The following SLC15A2 variants were observed in gnomAD, a reference collection of about 807,000 sequenced individuals.
SLC15A2 encodes solute carrier family 15 member 2.
In SLC15A2, 77 loss-of-function variants were observed where a neutral mutation model predicts 95.5. The observed-to-expected ratio is 0.81, with a 90% CI of 0.67 to 0.97. SLC15A2 has a LOEUF of 0.97. Ranked by LOEUF, SLC15A2 falls within the 50% of genes least tolerant of loss-of-function variation. The pLI, the probability that SLC15A2 is intolerant of heterozygous loss-of-function variation, is 0.00. For synonymous variants in SLC15A2, 306 were observed against 306.9 expected (o/e 1.00, Z 0.03); for missense variants, 893 against 874.4 (o/e 1.02, Z -0.27).
intron 19 of SLC15A2, among the ~76,000 whole-genome samples, chr3:121,934,423 T>A (rs1226065511): frequency 6.6e-6 from 1 of 152,072 alleles, no homozygotes; most frequent in African/African-American, 2.4e-5. Context: ...TTTGTTTGTA[T>A]CCTCTTTTAT....
intron 20 of SLC15A2, 104 bp from the exon 21 acceptor site, chr3:121,940,280 A>G (rs1328344156): frequency 4.0e-6 from 3 of 741,222 alleles, no homozygotes; most frequent in Non-Finnish European, 7.1e-6. Context: ...ACTTAATAAG[A>G]GAAGTTCTAA....
At chr3:121,906,397 C>T (rs1334258379) in intron 3 of SLC15A2, among the ~76,000 whole-genome samples, 1 of 152,198 alleles carries the variant, frequency 6.6e-6, no homozygotes, top group Non-Finnish European at 1.5e-5. Context: ...TTGATCCAAT[C>T]ATTATGATGT....
At chr3:121,903,565 A>C (rs1409316208) in intron 3 of SLC15A2, among the ~76,000 whole-genome samples, 4 of 152,212 alleles carry the variant, frequency 2.6e-5, no homozygotes, top group Admixed American at 6.5e-5. Context: ...AGCTTTCTAC[A>C]TATGGCTAGC....
chr3:121,929,346 G>A lies in SLC15A2; in HGVS notation c.1551G>A (p.Val517=), dbSNP rs1172145405. The A allele has an allele frequency of 6.2e-7, 1 of 1,613,888 alleles. No individual in the cohort carries two copies. Among genetic ancestry groups the A allele is most frequent in the Admixed American group, 1.7e-5 (1 of 60,024 alleles). ...ESRTTNGMTT[V]RFVNTLHKDV... ...GAACAACCAATGGGATGACAACCGT[G>A]AGGTTTGAATGTCAATGAGATTCCA... Residue 517 remains valine (V), a splice_region_variant and synonymous_variant, in exon 17 of 22, where the codon GTG becomes GTA. Coordinates refer to ENST00000489711, the MANE Select transcript of SLC15A2 (RefSeq NM_021082.4).
In SLC15A2 at chr3:121,897,540, T is replaced by C. The variant is rs766168011; in HGVS notation, c.335+11T>C. ...GTTGGGAAAATTCAAGTAAGGAAGA[T>C]GGGAGGTCACATCCCTACAAGTTTC... On this transcript the variant is annotated intron_variant, in intron 3 of 21. Coordinates refer to ENST00000489711, the MANE Select transcript of SLC15A2 (RefSeq NM_021082.4). The C allele has an allele frequency of 6.2e-7, 1 of 1,613,692 alleles. No individual in the cohort carries two copies. The highest frequency in any genetic ancestry group is 1.7e-5 in the Admixed American group (1 of 60,008).
intron 3 of SLC15A2, among the ~76,000 whole-genome samples, chr3:121,903,650 C>G (rs933156707): frequency 6.6e-6 from 1 of 152,142 alleles, no homozygotes; most frequent in Non-Finnish European, 1.5e-5. Context: ...TGTCAAAGAT[C>G]AGATGGTTGT....
intron 3 of SLC15A2, 103 bp downstream of exon 3, chr3:121,897,632 C>A: frequency 8.7e-7 from 1 of 1,144,208 alleles, no homozygotes. Flanking sequence ...CTATGTCATG[C>A]GTGAAAAATA....
chr3:121,931,043 TG>T, intron 18 of SLC15A2, 93 bp downstream of exon 18: 2 of 776,216 alleles, frequency 2.6e-6, no homozygotes, highest in South Asian at 3.2e-5. Context: ...TAGGTGCATG[TG>T]GTCTAATTTT....
chr3:121,927,698 T>C (rs1454465695), intron 13 of SLC15A2, 60 bp from the exon 14 acceptor site: 4 of 1,273,992 alleles, frequency 3.1e-6, no homozygotes, highest in Middle Eastern at 1.8e-4. Flanking sequence ...GCTACAGAGT[T>C]TGGATTTCAT....
At chr3:121,929,561 C>T (rs1710190583) in intron 17 of SLC15A2, among the ~76,000 whole-genome samples, 1 of 151,994 alleles carries the variant, frequency 6.6e-6, no homozygotes, top group African/African-American at 2.4e-5. Flanking sequence ...CTGTGTATGC[C>T]CCCTGTACTC....
chr3:121,904,916 A>C (rs1438606613), intron 3 of SLC15A2, among the ~76,000 whole-genome samples: 1 of 152,180 alleles, frequency 6.6e-6, no homozygotes, highest in African/African-American at 2.4e-5. Context: ...ATAGTTTCAG[A>C]AGGAATGATA....
At position 121,935,976 on chromosome 3, in the gene SLC15A2, G is replaced by A. The variant is rs554965210; in HGVS notation, c.1762-3373G>A. 7.8e-4 allele frequency among the ~76,000 whole-genome samples: 118 copies of A among 152,042 alleles called. No individual in the cohort carries two copies. The South Asian group carries it at 0.013, about 17-fold the overall frequency. ...TCTGGTATGTTGTGTCTTTGTTCTC[G>A]TTGGTTTCAAAGAACATCTTTATTT... is the stretch of plus-strand genomic sequence containing the variant. On this transcript the variant is annotated intron_variant, in intron 19 of 21. Coordinates refer to ENST00000489711, the MANE Select transcript of SLC15A2 (RefSeq NM_021082.4).
rs1209063103 is a variant in SLC15A2, at chr3:121,924,997, T to C, written c.1088T>C (p.Ile363Thr). 2 of 1,613,424 alleles carry C rather than the reference T, an allele frequency of 1.2e-6. No individual in the cohort carries two copies. Among genetic ancestry groups the C allele is most frequent in the Admixed American group, 3.3e-5 (2 of 60,024 alleles). Residue 363 changes from isoleucine to threonine, a missense_variant, in exon 13 of 22, where the codon ATT becomes ACT. By Grantham distance (89) the Ile-to-Thr change is moderately conservative. Coordinates refer to ENST00000489711, the MANE Select transcript of SLC15A2 (RefSeq NM_021082.4). ...TTCATCCCGTTGTTTGACTTTGTCA[T>C]TTATCGTCTGGTCTCCAAGTGTGGA... is the stretch of plus-strand genomic sequence containing the variant. ...LIFIPLFDFV[I>T]YRLVSKCGIN...
rs1002700368 is a variant in SLC15A2 at position 121,908,386 on chromosome 3, C to T, written c.336-3188C>T. Among the ~76,000 whole-genome samples the T allele has an allele frequency of 2.0e-5, 3 of 152,360 alleles. No individual in the cohort carries two copies. The South Asian group carries it at 6.2e-4, about 32-fold the overall frequency. On this transcript the variant is annotated intron_variant, in intron 3 of 21. Coordinates refer to ENST00000489711, the MANE Select transcript of SLC15A2 (RefSeq NM_021082.4). ...GCTTCAGCTCGCCCTCTGTGGGCTG[C>T]ACCCACTGTCCAACCAGTCCCAATG...
intron 18 of SLC15A2, among the ~76,000 whole-genome samples, chr3:121,931,309 G>C (rs926798801): frequency 6.6e-6 from 1 of 152,118 alleles, no homozygotes; most frequent in Non-Finnish European, 1.5e-5. Flanking sequence ...ATCTTCTCAG[G>C]TTCACTGTTA....
intron 7 of SLC15A2, among the ~76,000 whole-genome samples, chr3:121,919,909 G>A (rs1230506583): frequency 6.6e-6 from 1 of 152,212 alleles, no homozygotes; most frequent in Non-Finnish European, 1.5e-5. Flanking sequence ...GCTGCGGATA[G>A]GAGGAGGAAT....
intron 17 of SLC15A2, among the ~76,000 whole-genome samples, chr3:121,930,424 A>G (rs561762417): frequency 7.2e-5 from 11 of 152,340 alleles, no homozygotes; most frequent in Admixed American, 6.5e-4. Context: ...TTATGTAAAT[A>G]CTATCATATC....
chr3:121,904,747 G>T (rs940240477), intron 3 of SLC15A2, among the ~76,000 whole-genome samples: 7 of 152,198 alleles, frequency 4.6e-5, no homozygotes, highest in Non-Finnish European at 1.0e-4. Context: ...GCTGGATTCG[G>T]TTTGCCAGTA....
chr3:121,936,940 G>A (rs1359740244), intron 19 of SLC15A2, among the ~76,000 whole-genome samples: 1 of 151,080 alleles, frequency 6.6e-6, no homozygotes, highest in Non-Finnish European at 1.5e-5. Context: ...TCCTTCAGGA[G>A]CTCTTTTAGG....
Sources: gnomAD v4.1 joint callset for allele counts (sites outside exome capture counted in the v4.1 genomes callset) on GRCh38, gnomAD v4.1.1 for gene constraint, MANE v1.5 for transcripts, NCBI Gene and HGNC (gene_info 2026-07-23, HGNC 2026-07-21) for gene names.